RELN: variants seen among roughly 807,000 people sequenced by gnomAD.
RELN encodes reelin.
RELN carries 108 observed loss-of-function variants against 427.6 expected under a neutral mutation model. The ratio of observed to expected loss-of-function variants is 0.25; its 90% CI spans 0.22 to 0.30. The LOEUF is 0.30. Ranked by LOEUF, RELN falls within the 10% of genes least tolerant of loss-of-function variation. The pLI is 1.00. For missense variants in RELN, 3,715 were observed against 4,302.8 expected (o/e 0.86, Z 3.82); for synonymous variants, 1,524 against 1,513.4 (o/e 1.01, Z -0.16).
intron 22 of RELN, among the ~76,000 whole-genome samples, chr7:103,604,964 G>A (rs1383146906): frequency 2.0e-5 from 3 of 151,724 alleles, no homozygotes. Flanking sequence ...CAAATAGCTG[G>A]GATTGCAGGC....
intron 48 of RELN, 151 bp from the exon 49 acceptor site, chr7:103,519,667 T>G: frequency 1.6e-6 from 1 of 641,020 alleles, no homozygotes; most frequent in Non-Finnish European, 2.7e-6. Context: ...ACTGCAGCCT[T>G]GACCTCCTGG....
At chr7:103,781,440 C>T (rs262352) in intron 3 of RELN, among the ~76,000 whole-genome samples, 2,047 of 152,226 alleles carry the variant, frequency 0.013, 36 homozygotes, top group African/African-American at 0.046. Context: ...TTAAAAATTA[C>T]ATTGACAGAT....
rs569413227 is a variant in RELN at position 103,739,559 on chromosome 7, A to T, written c.656+9867T>A. Among the ~76,000 whole-genome samples, 3 of 152,348 alleles carry T rather than the reference A, an allele frequency of 2.0e-5. No homozygotes were observed. In the South Asian group the frequency reaches 6.2e-4, roughly 32 times the overall value. Reference sequence around the variant, plus strand: ...TGGCACATTGGAATTGATGCAATTCATGTTGAGCTCCAGAGGTATAGTGCT... The same window carrying T: ...TGGCACATTGGAATTGATGCAATTCTTGTTGAGCTCCAGAGGTATAGTGCT... On this transcript the variant is annotated intron_variant, in intron 6 of 64. Coordinates refer to ENST00000428762, the MANE Select transcript of RELN (RefSeq NM_005045.4).
At chr7:103,715,929 C>T (rs547185343) in intron 8 of RELN, among the ~76,000 whole-genome samples, 38 of 152,296 alleles carry the variant, frequency 2.5e-4, no homozygotes, top group Non-Finnish European at 4.4e-4. Flanking sequence ...AAACTACACC[C>T]GAATGCTCAT....
intron 11 of RELN, among the ~76,000 whole-genome samples, chr7:103,672,435 C>T (rs991228742): frequency 3.3e-5 from 5 of 152,100 alleles, no homozygotes; most frequent in Non-Finnish European, 5.9e-5. Context: ...GCATAGAGAA[C>T]TTACATACTT....
chr7:103,473,601 A>C (rs1200123832), intron 64 of RELN, among the ~76,000 whole-genome samples: 2 of 152,198 alleles, frequency 1.3e-5, no homozygotes, highest in Non-Finnish European at 2.9e-5. Context: ...ATATGTATGT[A>C]TGTTTTCCCC....
intron 50 of RELN, among the ~76,000 whole-genome samples, chr7:103,514,757 A>T (rs1829518196): frequency 1.3e-5 from 2 of 152,194 alleles, no homozygotes; most frequent in Admixed American, 1.3e-4. Context: ...CTGGGACATG[A>T]CCTAAGACAT....
At chr7:103,900,970 A>C (rs571280804) in intron 2 of RELN, among the ~76,000 whole-genome samples, 1 of 151,432 alleles carries the variant, frequency 6.6e-6, no homozygotes, top group Non-Finnish European at 1.5e-5. Flanking sequence ...GTGAAAAAAA[A>C]CTCCATGTTA....
intron 1 of RELN, among the ~76,000 whole-genome samples, chr7:103,940,999 T>A (rs1465294316): frequency 6.6e-6 from 1 of 152,192 alleles, no homozygotes; most frequent in Non-Finnish European, 1.5e-5. Context: ...CAAGAATGAA[T>A]TGAGGTTAGC....
chr7:103,510,912 C>T lies in RELN; in HGVS notation c.8213G>A (p.Arg2738Gln), dbSNP rs141115137. The T allele has an allele frequency of 4.5e-5, 73 of 1,612,924 alleles. No individual in the cohort carries two copies. The highest frequency in any genetic ancestry group is 5.8e-5 in the Non-Finnish European group (68 of 1,179,116). The change falls in exon 51 of 65, where the codon CGG becomes CAG. Residue 2738 changes from arginine (R) to glutamine (Q), a missense_variant. Transcript: ENST00000428762. ...GVMLCGSHDGREVYAVTHDLT... is the reference protein window; with the variant it reads ...GVMLCGSHDGQEVYAVTHDLT... ...GTCATGGGTCACTGCATACACCTCCCGTCCATCATGACTGCCACAGAGCAT... is the reference window on the plus strand; with the variant it reads ...GTCATGGGTCACTGCATACACCTCCTGTCCATCATGACTGCCACAGAGCAT...
chr7:103,668,377 T>C (rs1474985813), intron 11 of RELN, among the ~76,000 whole-genome samples: 1 of 152,224 alleles, frequency 6.6e-6, no homozygotes, highest in African/African-American at 2.4e-5. Flanking sequence ...CTCTTTAATT[T>C]CTTGCCATGT....
At chr7:103,715,002 T>C (rs912330427) in intron 8 of RELN, among the ~76,000 whole-genome samples, 4 of 152,184 alleles carry the variant, frequency 2.6e-5, no homozygotes, top group Non-Finnish European at 5.9e-5. Context: ...TTGAGAGAAA[T>C]GAATATGTCC....
At chr7:103,566,476 T>C (rs575371109) in intron 32 of RELN, 64 bp from the exon 33 acceptor site, 18 of 1,588,446 alleles carry the variant, frequency 1.1e-5, no homozygotes, top group African/African-American at 8.0e-5. Context: ...AATATCTTCA[T>C]GACTGTGATT....
intron 2 of RELN, among the ~76,000 whole-genome samples, chr7:103,851,126 T>C (rs1437223340): frequency 6.6e-6 from 1 of 152,176 alleles, no homozygotes; most frequent in Admixed American, 6.5e-5. Flanking sequence ...GTGATGTACA[T>C]ATATATATGA....
At chr7:103,962,364 G>A (rs1351438752) in intron 1 of RELN, among the ~76,000 whole-genome samples, 2 of 151,990 alleles carry the variant, frequency 1.3e-5, no homozygotes, top group Non-Finnish European at 2.9e-5. Flanking sequence ...TCTTTCTCTT[G>A]TCACAGCATC....
chr7:103,548,117 A>G (rs990430019), intron 41 of RELN, among the ~76,000 whole-genome samples: 2 of 152,234 alleles, frequency 1.3e-5, no homozygotes, highest in Non-Finnish European at 2.9e-5. Flanking sequence ...AAAAACAATC[A>G]GGAACTTTTA....
intron 7 of RELN, among the ~76,000 whole-genome samples, chr7:103,725,399 A>G (rs911598461): frequency 1.3e-5 from 2 of 151,868 alleles, no homozygotes; most frequent in Non-Finnish European, 2.9e-5. Context: ...CAAACAATTT[A>G]AAAAAATTAG....
intron 20 of RELN, among the ~76,000 whole-genome samples, chr7:103,616,497 T>C (rs1228635224): frequency 6.6e-6 from 1 of 152,134 alleles, no homozygotes; most frequent in Non-Finnish European, 1.5e-5. Context: ...ATTATTTTAG[T>C]GGATTATAGA....
intron 48 of RELN, among the ~76,000 whole-genome samples, chr7:103,520,957 A>ATTTTTTTTTTTTTTTTTTTT (rs55830035): frequency 1.3e-5 from 1 of 79,186 alleles, no homozygotes; most frequent in African/African-American, 4.9e-5. Context: ...TAAATTTGTT[A>ATTTTTTTTTTTTTTTTTTTT]TTTTTTTTTT....
Sources: allele counts gnomAD v4.1 joint callset (sites outside exome capture counted in the v4.1 genomes callset), GRCh38; gene constraint gnomAD v4.1.1; transcripts MANE v1.5; gene names NCBI Gene and HGNC (gene_info 2026-07-23, HGNC 2026-07-21).